ARHGAP32: variants seen among roughly 807,000 people sequenced by gnomAD.
The protein encoded by ARHGAP32 is Rho GTPase activating protein 32.
Under a neutral mutation model 186.5 loss-of-function variants are expected in ARHGAP32, and 51 were observed. The ratio of observed to expected loss-of-function variants is 0.27; its 90% CI spans 0.22 to 0.35. The LOEUF is 0.35. Ranked by LOEUF, ARHGAP32 falls within the 10% of genes least tolerant of loss-of-function variation. The probability of loss-of-function intolerance (pLI) is 1.00; values close to 1 mark genes in which losing one functional copy is unlikely to be tolerated. For missense variants in ARHGAP32, 2,186 were observed against 2,623.5 expected (o/e 0.83, Z 3.64); for synonymous variants, 950 against 964.3 (o/e 0.99, Z 0.27).
At chr11:129,148,929 G>T (rs943219923) in intron 2 of ARHGAP32, among the ~76,000 whole-genome samples, 2 of 152,080 alleles carry the variant, frequency 1.3e-5, no homozygotes, top group African/African-American at 4.8e-5. Flanking sequence ...ATCCCCTACA[G>T]TGGCCACAGC....
At chr11:129,143,834 T>C (rs1349873243) in intron 2 of ARHGAP32, among the ~76,000 whole-genome samples, 1 of 152,216 alleles carries the variant, frequency 6.6e-6, no homozygotes, top group Non-Finnish European at 1.5e-5. Context: ...ATATTAGTTA[T>C]TGTAAATCTC....
At chr11:129,198,884 A>C (rs1162564650) in intron 1 of ARHGAP32, among the ~76,000 whole-genome samples, 1 of 152,196 alleles carries the variant, frequency 6.6e-6, no homozygotes, top group Non-Finnish European at 1.5e-5. Context: ...CTTCCTAGAG[A>C]CTTGTTGAAT....
At chr11:129,152,262 A>T (rs1433753751) in intron 2 of ARHGAP32, among the ~76,000 whole-genome samples, 11 of 152,170 alleles carry the variant, frequency 7.2e-5, no homozygotes. Context: ...CCAACAAAAG[A>T]AGTACAGGAC....
chr11:128,989,101 T>C (rs930272602), intron 12 of ARHGAP32, among the ~76,000 whole-genome samples: 2 of 152,220 alleles, frequency 1.3e-5, no homozygotes, highest in African/African-American at 2.4e-5. Flanking sequence ...TTTTAGTGAA[T>C]GTATTTCATT....
At chr11:129,142,253 C>A (rs574204062) in intron 2 of ARHGAP32, among the ~76,000 whole-genome samples, 2 of 152,080 alleles carry the variant, frequency 1.3e-5, no homozygotes, top group African/African-American at 4.8e-5. Context: ...TTTGCCAAAC[C>A]GAGCCAAAAG....
intron 1 of ARHGAP32, among the ~76,000 whole-genome samples, chr11:129,178,562 C>A (rs1943974415): frequency 6.6e-6 from 1 of 152,052 alleles, no homozygotes; most frequent in Non-Finnish European, 1.5e-5. Flanking sequence ...GCTACAGTAA[C>A]CAAAACAGCA....
At chr11:129,023,810 G>C (rs899843897) in intron 11 of ARHGAP32, 1 of 849,324 alleles carries the variant, frequency 1.2e-6, no homozygotes, top group African/African-American at 1.8e-5. Flanking sequence ...GAAAAATTCT[G>C]AATGTTGCTT....
chr11:129,115,860 G>C (rs1942352995), intron 5 of ARHGAP32, among the ~76,000 whole-genome samples: 1 of 152,068 alleles, frequency 6.6e-6, no homozygotes. Context: ...ACATTTCAGA[G>C]CAAAGGTCTC....
rs1939287793 is a variant in ARHGAP32 at position 129,035,354 on chromosome 11, G to GT, written c.1045+5573dup. Among the ~76,000 whole-genome samples the GT allele has an allele frequency of 7.2e-5, 11 of 152,278 alleles. No individual in the cohort carries two copies. The South Asian group carries it at 2.3e-3, about 32-fold the overall frequency. ...ATTTTTCCTATGTTACCCTTGTTGT[G>GT]TAATAGTATAGGAACTTGAAATTTT... is the stretch of plus-strand genomic sequence containing the variant. On this transcript the variant is annotated intron_variant, in intron 11 of 22. Coordinates refer to ENST00000682385, the MANE Select transcript of ARHGAP32 (RefSeq NM_001378024.1).
intron 6 of ARHGAP32, among the ~76,000 whole-genome samples, chr11:129,092,586 C>T (rs973629654): frequency 6.6e-6 from 1 of 151,848 alleles, no homozygotes; most frequent in Non-Finnish European, 1.5e-5. Context: ...ATAAACAATA[C>T]GTGAATTTGG....
At chr11:129,207,870 T>C (rs1480071147) in intron 1 of ARHGAP32, among the ~76,000 whole-genome samples, 1 of 152,156 alleles carries the variant, frequency 6.6e-6, no homozygotes, top group Non-Finnish European at 1.5e-5. Flanking sequence ...AATGTATACA[T>C]GGGGCAGCTA....
At chr11:129,038,437 A>C (rs1939444641) in intron 11 of ARHGAP32, among the ~76,000 whole-genome samples, 1 of 152,050 alleles carries the variant, frequency 6.6e-6, no homozygotes, top group Non-Finnish European at 1.5e-5. Context: ...AGGAATCAAA[A>C]GCATAAATGA....
intron 6 of ARHGAP32, among the ~76,000 whole-genome samples, chr11:129,075,653 GAT>G (rs1399114913): frequency 1.3e-5 from 2 of 152,114 alleles, no homozygotes; most frequent in Non-Finnish European, 2.9e-5. Flanking sequence ...CAATCAACTG[GAT>G]ATAATTGATA....
chr11:129,195,285 G>A (rs750712935), upstream of ARHGAP32, among the ~76,000 whole-genome samples: 8 of 151,874 alleles, frequency 5.3e-5, no homozygotes, highest in Non-Finnish European at 1.2e-4. Context: ...CGGCCTCAAA[G>A]CGTTTTCATG....
At chr11:129,239,666 C>A in intron 1 of ARHGAP32, among the ~76,000 whole-genome samples, 1 of 151,732 alleles carries the variant, frequency 6.6e-6, no homozygotes, top group Non-Finnish European at 1.5e-5. Flanking sequence ...TCTAATGGAC[C>A]CCCTCACTTC....
intron 2 of ARHGAP32, among the ~76,000 whole-genome samples, chr11:129,129,265 A>G (rs376319467): frequency 1.0e-3 from 114 of 109,942 alleles, no homozygotes; most frequent in East Asian, 5.6e-3. Context: ...GAGCCCCTCC[A>G]CCCGGCAGCT....
intron 1 of ARHGAP32, among the ~76,000 whole-genome samples, chr11:129,183,769 C>T (rs1377692381): frequency 6.8e-6 from 1 of 148,080 alleles, no homozygotes; most frequent in East Asian, 1.9e-4. Flanking sequence ...TCCTAAGACC[C>T]ACCAAATTGC....
intron 1 of ARHGAP32, among the ~76,000 whole-genome samples, chr11:129,220,132 A>G (rs992322026): frequency 1.3e-5 from 2 of 152,312 alleles, no homozygotes; most frequent in South Asian, 2.1e-4. Flanking sequence ...TGTTTTCCCT[A>G]TATCTGAAAC....
At chr11:129,216,480 G>C (rs983383043) in intron 1 of ARHGAP32, among the ~76,000 whole-genome samples, 1 of 151,562 alleles carries the variant, frequency 6.6e-6, no homozygotes, top group Non-Finnish European at 1.5e-5. Flanking sequence ...TTAGGAGTTC[G>C]AGATCAGCCT....
Sources: gnomAD v4.1 joint callset for allele counts (sites outside exome capture counted in the v4.1 genomes callset) on GRCh38, gnomAD v4.1.1 for gene constraint, MANE v1.5 for transcripts, NCBI Gene and HGNC (gene_info 2026-07-23, HGNC 2026-07-21) for gene names.